The following CLGN variants were observed in gnomAD, a reference collection of about 807,000 sequenced individuals.
The protein encoded by CLGN is calmegin, also known as testis tissue sperm-binding protein Li 79P.
In CLGN, 62 loss-of-function variants were observed where a neutral mutation model predicts 79.1. The observed-to-expected ratio is 0.78, with a 90% CI of 0.64 to 0.97. The LOEUF (loss-of-function observed/expected upper bound fraction) is 0.97, where lower values mean the gene tolerates loss of function less well. CLGN is among the 50% of genes least tolerant of loss of function. CLGN has a pLI of 0.00. For missense variants in CLGN, 647 were observed against 715.5 expected (o/e 0.90, Z 1.09); for synonymous variants, 225 against 224.7 (o/e 1.00, Z -0.01).
chr4:140,390,132 G>A (rs1728745023), intron 14 of CLGN, among the ~76,000 whole-genome samples: 1 of 151,704 alleles, frequency 6.6e-6, no homozygotes, highest in East Asian at 1.9e-4. Flanking sequence ...CACAAAAAGG[G>A]GTAGACTAAT....
chr4:140,398,263 CTTTTTTTTTTT>C (rs1162212217), intron 8 of CLGN, among the ~76,000 whole-genome samples: 1 of 86,776 alleles, frequency 1.2e-5, no homozygotes, highest in Non-Finnish European at 2.1e-5. Flanking sequence ...CAAACATACT[CTTTTTTTTTTT>C]TTTTTTTTTT....
At chr4:140,416,699 C>A (rs1729339941) in intron 1 of CLGN, among the ~76,000 whole-genome samples, 2 of 151,954 alleles carry the variant, frequency 1.3e-5, no homozygotes, top group South Asian at 4.2e-4. Context: ...GAAATTGTGG[C>A]AATAATCAAT....
chr4:140,397,291 T>C (rs899031863), intron 8 of CLGN, among the ~76,000 whole-genome samples: 1 of 152,064 alleles, frequency 6.6e-6, no homozygotes, highest in African/African-American at 2.4e-5. Context: ...AGGTGAAAAA[T>C]GGTATCTCAC....
At chr4:140,405,439 C>T (rs1173346239) in intron 5 of CLGN, among the ~76,000 whole-genome samples, 1 of 152,042 alleles carries the variant, frequency 6.6e-6, no homozygotes, top group African/African-American at 2.4e-5. Context: ...CCGCCTCGGC[C>T]TCCCAAAGTG....
At chr4:140,392,118 C>T in intron 13 of CLGN, 101 bp downstream of exon 13, 3 of 1,346,062 alleles carry the variant, frequency 2.2e-6, no homozygotes, top group Middle Eastern at 1.9e-4. Flanking sequence ...GATGTATAAA[C>T]TTGATAATAA....
At chr4:140,391,396 C>A (rs1728770590) in intron 13 of CLGN, among the ~76,000 whole-genome samples, 2 of 151,768 alleles carry the variant, frequency 1.3e-5, no homozygotes, top group Non-Finnish European at 3.0e-5. Flanking sequence ...CATCAATATA[C>A]TAAGCACTAA....
At chr4:140,409,769 T>C (rs1729176705) in intron 4 of CLGN, 68 bp downstream of exon 4, 8 of 1,037,662 alleles carry the variant, frequency 7.7e-6, no homozygotes, top group Non-Finnish European at 1.1e-5. Context: ...TTAACAAAAA[T>C]CTAATCTCAA....
intron 1 of CLGN, among the ~76,000 whole-genome samples, chr4:140,422,213 G>C (rs923862847): frequency 1.3e-5 from 2 of 152,192 alleles, no homozygotes; most frequent in Non-Finnish European, 2.9e-5. Context: ...AGAGATGTGA[G>C]ATTTCCAAAC....
intron 1 of CLGN, among the ~76,000 whole-genome samples, chr4:140,421,666 G>A (rs1340480133): frequency 6.6e-6 from 1 of 151,966 alleles, no homozygotes; most frequent in Non-Finnish European, 1.5e-5. Flanking sequence ...TTTTTGTTTT[G>A]AGTTGTAGGA....
intron 1 of CLGN, among the ~76,000 whole-genome samples, chr4:140,413,562 G>A (rs538741281): frequency 7.2e-5 from 11 of 152,374 alleles, no homozygotes; most frequent in African/African-American, 2.6e-4. Context: ...AGGGGTCAGG[G>A]AGTTCCCTTT....
rs1189601401 is a variant in CLGN, at chr4:140,396,073, G to T, written c.998+19C>A. ...TAAGAAACATTTGAAATCGACATTT[G>T]AAGATGAAGAGTGCTTACCAGTCAT... On this transcript the variant is annotated intron_variant, in intron 9 of 14. Coordinates refer to ENST00000325617, the MANE Select transcript of CLGN (RefSeq NM_004362.3). 1 of 1,611,076 alleles carries T rather than the reference G, an allele frequency of 6.2e-7. No homozygotes were observed. The highest frequency in any genetic ancestry group is 1.1e-5 in the South Asian group (1 of 90,784).
At chr4:140,417,769 A>G (rs1297452729) in intron 1 of CLGN, among the ~76,000 whole-genome samples, 2 of 150,556 alleles carry the variant, frequency 1.3e-5, no homozygotes, top group African/African-American at 4.9e-5. Context: ...GAAAATGGCC[A>G]TACTGCCCAA....
intron 7 of CLGN, among the ~76,000 whole-genome samples, chr4:140,400,076 C>T (rs1728969656): frequency 6.6e-6 from 1 of 152,194 alleles, no homozygotes; most frequent in Non-Finnish European, 1.5e-5. Flanking sequence ...AACATTCTAT[C>T]TGTACTTCAA....
intron 7 of CLGN, 79 bp from the exon 8 acceptor site, chr4:140,399,119 C>T: frequency 1.7e-6 from 2 of 1,187,828 alleles, no homozygotes; most frequent in Non-Finnish European, 2.3e-6. Context: ...AATGTAACTA[C>T]CCTTAACTCC....
intron 1 of CLGN, among the ~76,000 whole-genome samples, chr4:140,422,495 A>G (rs1300135992): frequency 1.3e-5 from 2 of 152,062 alleles, no homozygotes; most frequent in Non-Finnish European, 2.9e-5. Context: ...ATTCCTAAGT[A>G]TTTTATTCTT....
At position 140,396,276 on chromosome 4, in the gene CLGN, G is replaced by A. The variant is rs979993087; in HGVS notation, c.885-71C>T. On this transcript the variant is annotated intron_variant, in intron 8 of 14. Transcript: ENST00000325617. ...AAATGCATGTTACAACACTAAGAAG[G>A]TACCATAAAATTATTTCCCTCCCTT... 1.3e-5 allele frequency: 15 copies of A among 1,194,918 alleles called. No homozygotes were observed. In the Admixed American group the frequency reaches 1.6e-4, roughly 13 times the overall value. 74.0% of individuals were successfully genotyped at this position (1,194,918 alleles called of 1,614,324 possible).
At chr4:140,396,903 A>ATG (rs1216626825) in intron 8 of CLGN, among the ~76,000 whole-genome samples, 19 of 66,298 alleles carry the variant, frequency 2.9e-4, no homozygotes, top group African/African-American at 7.8e-4. Context: ...ATATATATAT[A>ATG]TATGTATATA....
In CLGN at chr4:140,425,429, G is replaced by GGTGTGTGGGTGT. The variant is rs1553946833; in HGVS notation, c.-10+2107_-10+2108insACACCCACACAC. On this transcript the variant is annotated intron_variant, in intron 1 of 14. Coordinates refer to ENST00000325617, the MANE Select transcript of CLGN (RefSeq NM_004362.3). ...TTCATCAGAGAAGCAGAATCAATAG[G>GGTGTGTGGGTGT]GTGTGTGTGTGTGTGTGTGTGTGTG... is the stretch of plus-strand genomic sequence containing the variant. Among the ~76,000 whole-genome samples the GGTGTGTGGGTGT allele has an allele frequency of 6.2e-3, 728 of 116,936 alleles. 5 individuals carry two copies. Among genetic ancestry groups the GGTGTGTGGGTGT allele is most frequent in the African/African-American group, 0.011 (374 of 34,040 alleles). 76.7% of individuals were successfully genotyped at this position (116,936 alleles called of 152,430 possible). A position where few individuals can be genotyped will look rare whatever the true frequency, so the allele number is the denominator to read the frequency against.
intron 6 of CLGN, 71 bp from the exon 7 acceptor site, chr4:140,400,620 C>CAATG (rs997437664): frequency 1.0e-6 from 1 of 972,626 alleles, no homozygotes; most frequent in African/African-American, 1.7e-5. Context: ...GTATTTTATC[C>CAATG]AATGGGTAGA....
Sources: allele counts gnomAD v4.1 joint callset (sites outside exome capture counted in the v4.1 genomes callset), GRCh38; gene constraint gnomAD v4.1.1; transcripts MANE v1.5; gene names NCBI Gene and HGNC (gene_info 2026-07-23, HGNC 2026-07-21).